HIVEP3: variants seen among roughly 807,000 people sequenced by gnomAD.
HIVEP3 encodes the protein HIVEP zinc finger 3.
A neutral mutation model predicts 152.8 loss-of-function variants in HIVEP3; 49 were observed. The ratio of observed to expected loss-of-function variants is 0.32; its 90% CI spans 0.26 to 0.41. The LOEUF (loss-of-function observed/expected upper bound fraction) is 0.41, where lower values mean the gene tolerates loss of function less well. Among genes scored for constraint, HIVEP3 ranks in the 10% least tolerant of loss-of-function variants. The probability of loss-of-function intolerance (pLI) is 1.00; values close to 1 mark genes in which losing one functional copy is unlikely to be tolerated. For missense variants in HIVEP3, 2,790 were observed against 3,103.3 expected, an observed-to-expected ratio of 0.90 and a Z score of 2.40; for synonymous variants, 1,269 against 1,289.0, an observed-to-expected ratio of 0.98 and a Z score of 0.33.
intron 2 of HIVEP3, among the ~76,000 whole-genome samples, chr1:41,667,878 C>A (rs1010019919): frequency 6.6e-6 from 1 of 152,128 alleles, no homozygotes; most frequent in African/African-American, 2.4e-5. Flanking sequence ...CCCCCCCAAG[C>A]CCCCCAACTC....
chr1:41,722,457 C>T (rs370867542), intron 1 of HIVEP3, among the ~76,000 whole-genome samples: 52 of 120,324 alleles, frequency 4.3e-4, no homozygotes, highest in African/African-American at 1.5e-3. Context: ...TCTTTCCTTC[C>T]TTCCTTCCTC....
chr1:41,591,873 A>G (rs1430123676), intron 3 of HIVEP3, among the ~76,000 whole-genome samples: 1 of 152,130 alleles, frequency 6.6e-6, no homozygotes, highest in Non-Finnish European at 1.5e-5. Flanking sequence ...CTCCCAGAGA[A>G]GAGGCATGAC....
chr1:41,530,119 C>T (rs1475146084), intron 5 of HIVEP3, among the ~76,000 whole-genome samples: 2 of 152,240 alleles, frequency 1.3e-5, no homozygotes, highest in African/African-American at 4.8e-5. Flanking sequence ...TTTTTTGTCA[C>T]CTCAGATTTG....
At chr1:41,908,476 G>A (rs1015948773) in intron 1 of HIVEP3, among the ~76,000 whole-genome samples, 12 of 152,092 alleles carry the variant, frequency 7.9e-5, no homozygotes, top group African/African-American at 2.9e-4. Flanking sequence ...ACATTACTAA[G>A]AACATAGTAT....
At chr1:41,828,616 G>A (rs1642870625) in intron 1 of HIVEP3, among the ~76,000 whole-genome samples, 2 of 152,202 alleles carry the variant, frequency 1.3e-5, no homozygotes, top group East Asian at 1.9e-4. Flanking sequence ...ATTTGGTGCT[G>A]CACTCAGATG....
At chr1:41,963,944 T>C (rs868536046) in intron 1 of HIVEP3, among the ~76,000 whole-genome samples, 1 of 151,884 alleles carries the variant, frequency 6.6e-6, no homozygotes, top group Non-Finnish European at 1.5e-5. Context: ...CAAGAAAGAG[T>C]ATTAAAATGC....
At chr1:41,632,180 T>TC (rs779577701) in intron 2 of HIVEP3, among the ~76,000 whole-genome samples, 13 of 152,288 alleles carry the variant, frequency 8.5e-5, no homozygotes, top group Non-Finnish European at 1.3e-4. Flanking sequence ...ACTCACTCCC[T>TC]CACCCCGAGT....
At chr1:41,687,001 A>G (rs983463677) in intron 2 of HIVEP3, among the ~76,000 whole-genome samples, 1 of 152,212 alleles carries the variant, frequency 6.6e-6, no homozygotes, top group African/African-American at 2.4e-5. Context: ...GTGAAGCAGA[A>G]AAAGGGAACA....
chr1:41,826,889 C>T (rs950184436), intron 1 of HIVEP3, among the ~76,000 whole-genome samples: 3 of 152,214 alleles, frequency 2.0e-5, no homozygotes, highest in African/African-American at 7.2e-5. Context: ...CAGCTGGCCA[C>T]CTTAACTCAC....
rs895328919 is a variant in HIVEP3, at chr1:41,511,596, A to G, written c.6406-330T>C. Among the ~76,000 whole-genome samples, 1 of 152,136 alleles carries G rather than the reference A, an allele frequency of 6.6e-6. No individual in the cohort carries two copies. The highest frequency in any genetic ancestry group is 1.5e-5 in the Non-Finnish European group (1 of 68,028). On this transcript the variant is annotated intron_variant, in intron 8 of 8. Transcript: ENST00000372583. This position sits in a 1 kb window ranked among gnomAD's most constrained non-coding sequence, Gnocchi z 4.9. ...GTTGTCACCCATGAGCCTGGCCTCT[A>G]TGTGGGTCTGCTGCCTGTCCTGTTC... is the stretch of plus-strand genomic sequence containing the variant.
At chr1:41,788,360 G>A (rs143035433) in intron 1 of HIVEP3, among the ~76,000 whole-genome samples, 3 of 152,294 alleles carry the variant, frequency 2.0e-5, no homozygotes, top group African/African-American at 7.2e-5. Flanking sequence ...AGCCAGTCTG[G>A]GCTGCATCCA....
chr1:41,557,882 C>T (rs905150911), intron 5 of HIVEP3, among the ~76,000 whole-genome samples: 3 of 152,160 alleles, frequency 2.0e-5, no homozygotes, highest in African/African-American at 2.4e-5. Flanking sequence ...TGAGGCATGG[C>T]GAGAACCCCC....
intron 1 of HIVEP3, among the ~76,000 whole-genome samples, chr1:41,833,950 C>G (rs1211099686): frequency 6.6e-6 from 1 of 152,180 alleles, no homozygotes; most frequent in Non-Finnish European, 1.5e-5. Context: ...GTGACCCAGA[C>G]TTGACCACCT....
At chr1:41,985,853 A>C (rs767087559) in intron 1 of HIVEP3, among the ~76,000 whole-genome samples, 2 of 152,170 alleles carry the variant, frequency 1.3e-5, no homozygotes, top group Non-Finnish European at 2.9e-5. Context: ...TTTGACTCCT[A>C]ATACTGAAAT....
chr1:41,737,776 T>C (rs1302931356), intron 1 of HIVEP3, among the ~76,000 whole-genome samples: 1 of 152,148 alleles, frequency 6.6e-6, no homozygotes, highest in Non-Finnish European at 1.5e-5. Context: ...TTGGTGATGA[T>C]GAGGACCTCA....
chr1:41,523,973 A>C (rs911873523), intron 6 of HIVEP3, among the ~76,000 whole-genome samples: 3 of 152,110 alleles, frequency 2.0e-5, no homozygotes, highest in Non-Finnish European at 1.5e-5. Flanking sequence ...CAATCCAAGA[A>C]TCTCATGGAC....
In HIVEP3 at chr1:41,961,184, G is replaced by A. The variant is rs113987421; in HGVS notation, n.120-42660C>T. On this transcript the variant is annotated intron_variant and non_coding_transcript_variant, in intron 1 of 3. Transcript: ENST00000489103. ...TGTGGAAGCTCAAATGAGTTCATGC[G>A]GGGTCCACATGAAAAAGCTGAGAGA... Among the ~76,000 whole-genome samples the A allele has an allele frequency of 4.2e-3, 641 of 152,254 alleles. 4 individuals are homozygous for A. The highest frequency in any genetic ancestry group is 0.015 in the African/African-American group (606 of 41,552).
chr1:41,865,351 A>T (rs1475926450), intron 1 of HIVEP3, among the ~76,000 whole-genome samples: 1 of 152,100 alleles, frequency 6.6e-6, no homozygotes, highest in Non-Finnish European at 1.5e-5. Context: ...GCCATTTGCC[A>T]CCTCTGGCGG....
At chr1:41,953,260 C>T (rs1415456990) in intron 1 of HIVEP3, among the ~76,000 whole-genome samples, 1 of 152,156 alleles carries the variant, frequency 6.6e-6, no homozygotes, top group Non-Finnish European at 1.5e-5. Context: ...AGGGAGGCAG[C>T]GGCAGAGCTG....
Sources: gnomAD v4.1 joint callset for allele counts (sites outside exome capture counted in the v4.1 genomes callset) on GRCh38, gnomAD v4.1.1 for gene constraint, Gnocchi (gnomAD v3.1) non-coding constraint, MANE v1.5 for transcripts, NCBI Gene and HGNC (gene_info 2026-07-23, HGNC 2026-07-21) for gene names.